OCRL: variants seen among roughly 807,000 people sequenced by gnomAD.
OCRL encodes the protein OCRL inositol polyphosphate-5-phosphatase.
OCRL carries 8 observed loss-of-function variants against 78.9 expected under a neutral mutation model. The observed-to-expected ratio is 0.10, with a 90% confidence interval of 0.06 to 0.18. The LOEUF is 0.18. OCRL is among the 10% of genes least tolerant of loss of function. OCRL has a pLI of 1.00. For synonymous variants in OCRL, 240 were observed against 235.4 expected (o/e 1.02, Z -0.18); for missense variants, 454 against 696.7 (o/e 0.65, Z 3.92).
intron 4 of OCRL, among the ~76,000 whole-genome samples, chrX:129,554,727 G>A (rs1034095397): frequency 9.0e-6 from 1 of 110,799 alleles, no homozygotes; most frequent in Non-Finnish European, 1.9e-5. Context: ...GCCGAGGCGG[G>A]CGGATCACGA....
chrX:129,578,159 A>C (rs764928950), intron 18 of OCRL, among the ~76,000 whole-genome samples: 15 of 111,883 alleles, frequency 1.3e-4, no homozygotes, highest in African/African-American at 3.9e-4. Context: ...GGGCACACTT[A>C]AGCACAATAC....
chrX:129,589,500 A>G (rs1214227587), intron 22 of OCRL: 3 of 306,180 alleles, frequency 9.8e-6, no homozygotes, highest in Non-Finnish European at 1.8e-5. Context: ...ACAAAAAAGA[A>G]CAGAAAACCA....
chrX:129,542,841 A>G (rs771144291), intron 2 of OCRL, among the ~76,000 whole-genome samples: 1 of 111,772 alleles, frequency 8.9e-6, no homozygotes, highest in East Asian at 2.8e-4. Flanking sequence ...GAGTGTCCAG[A>G]ACTTTTTACT....
chrX:129,555,479 A>C (rs1230133014), intron 4 of OCRL, among the ~76,000 whole-genome samples: 1 of 111,921 alleles, frequency 8.9e-6, no homozygotes, highest in Admixed American at 9.5e-5. Flanking sequence ...GTCTCAAAAA[A>C]TAAATAAAAA....
At chrX:129,561,748 A>G (rs1210663237) in intron 10 of OCRL, among the ~76,000 whole-genome samples, 2 of 111,540 alleles carry the variant, frequency 1.8e-5, no homozygotes, top group Non-Finnish European at 3.8e-5. Context: ...AAGATGGGCC[A>G]ATTTGTTTGT....
chrX:129,585,068 G>A (rs377107560), intron 19 of OCRL, among the ~76,000 whole-genome samples: 6 of 112,376 alleles, frequency 5.3e-5, no homozygotes, highest in South Asian at 7.4e-4. Context: ...CTTATCAGGC[G>A]CTGAATGTGT....
intron 1 of OCRL, 102 bp downstream of exon 1, chrX:129,540,580 A>G: frequency 1.2e-6 from 1 of 854,355 alleles, no homozygotes; most frequent in Non-Finnish European, 1.6e-6. Context: ...GGTGGCCCAG[A>G]GGCCGAGCAG....
intron 8 of OCRL, 50 bp downstream of exon 8, chrX:129,559,051 G>A: frequency 9.4e-7 from 1 of 1,061,879 alleles, no homozygotes; most frequent in Non-Finnish European, 1.3e-6. Flanking sequence ...ATATATAACA[G>A]ACAGTGGCCT....
chrX:129,582,069 C>A (rs1005612573), intron 18 of OCRL, among the ~76,000 whole-genome samples: 1 of 109,001 alleles, frequency 9.2e-6, no homozygotes, highest in Non-Finnish European at 1.9e-5. Flanking sequence ...ATTTATTTCA[C>A]ACTATTTTTC....
intron 16 of OCRL, 65 bp downstream of exon 16, chrX:129,575,315 C>T: frequency 2.6e-6 from 2 of 755,190 alleles, no homozygotes. Flanking sequence ...GAAACTGCTA[C>T]TTAGAAAAGG....
chrX:129,560,717 CT>C, intron 9 of OCRL, 66 bp downstream of exon 9: 1 of 796,329 alleles, frequency 1.3e-6, no homozygotes. Flanking sequence ...GATGTTTTGC[CT>C]TTTTTAAAAA....
intron 4 of OCRL, among the ~76,000 whole-genome samples, chrX:129,550,955 TAAG>T (rs1212480947): frequency 3.9e-3 from 426 of 110,136 alleles, no homozygotes; most frequent in African/African-American, 0.013. Flanking sequence ...TTTTTTTAAT[TAAG>T]AAACTGCATT....
chrX:129,555,000 T>TAAATAAATAAAA lies in OCRL; in HGVS notation c.239-2322_239-2321insTAAATAAAAAAA, dbSNP rs745690077. Among the ~76,000 whole-genome samples the TAAATAAATAAAA allele has an allele frequency of 2.6e-3, 247 of 95,539 alleles. 3 individuals are homozygous for TAAATAAATAAAA. The highest frequency in any genetic ancestry group is 9.2e-3 in the African/African-American group (218 of 23,756). 83.0% of individuals were successfully genotyped at this position (95,539 alleles called of 115,157 possible). On this transcript the variant is annotated intron_variant, in intron 4 of 23. Transcript: ENST00000371113. The stretch of plus-strand genomic sequence containing the variant: ...ATAAATAAATAAATAAATAAATAAA[T>TAAATAAATAAAA]AAAAATAAGAGGGTTGTAGGAGAAG...
At position 129,558,894 on chromosome X, in the gene OCRL, C is replaced by T; in HGVS notation, c.615C>T (p.Thr205=). ...SNKEQPKVTN[T]MRKLFVPNTQ... is the part of the protein sequence containing the mutation. ...AGGAGCAGCCCAAAGTGACCAACACCATGCGGAAGCTCTTTGTACCAAATA... is the reference window on the plus strand; with the variant it reads ...AGGAGCAGCCCAAAGTGACCAACACTATGCGGAAGCTCTTTGTACCAAATA... Residue 205 remains threonine (T), a synonymous_variant, in exon 8 of 24, where the codon ACC becomes ACT. Coordinates refer to ENST00000371113, the MANE Select transcript of OCRL (RefSeq NM_000276.4). 1 of 1,211,618 alleles carries T rather than the reference C, an allele frequency of 8.3e-7. No homozygotes were observed. The highest frequency in any genetic ancestry group is 1.1e-6 in the Non-Finnish European group (1 of 895,151).
rs145976486 is a variant in OCRL, at chrX:129,583,529, A to G, written c.2116-815A>G. Among the ~76,000 whole-genome samples the G allele has an allele frequency of 9.5e-3, 1,062 of 111,761 alleles. 15 individuals carry two copies. Among genetic ancestry groups the G allele is most frequent in the African/African-American group, 0.033 (1,024 of 30,776 alleles). On this transcript the variant is annotated intron_variant, in intron 18 of 23. Transcript: ENST00000371113. ...CATCTGTAAAATGGGAATAATATCT[A>G]CTTTGCACATGTGTACAGATTAAAT...
Position 129,576,156 on chromosome X carries a change from C to G in OCRL, c.1879+94C>G, listed in dbSNP as rs190383849. 2.5e-5 allele frequency: 25 copies of G among 997,142 alleles called. No individual in the cohort carries two copies. In the East Asian group the frequency reaches 7.0e-4, roughly 28 times the overall value. 82.2% of individuals were successfully genotyped at this position (997,142 alleles called of 1,213,427 possible). On this transcript the variant is annotated intron_variant, in intron 17 of 23. Coordinates refer to ENST00000371113, the MANE Select transcript of OCRL (RefSeq NM_000276.4). The stretch of plus-strand genomic sequence containing the variant: ...TGTTTTCTAACCACATGTCTCTTAC[C>G]TTTACTGTCATATTGGTGATACCTC...
In OCRL at chrX:129,591,389, G is replaced by T. The variant is rs184069868; in HGVS notation, c.*1119G>T. 532 of 112,185 alleles carry T rather than the reference G, an allele frequency of 4.7e-3. 4 individuals are homozygous for T. Among genetic ancestry groups the T allele is most frequent in the Non-Finnish European group, 7.3e-3 (387 of 53,212 alleles). The allele number at this position is 112,185 out of a possible 1,213,427, so 9.2% of individuals were successfully genotyped here. A position where few individuals can be genotyped will look rare whatever the true frequency, so the allele number is the denominator to read the frequency against. ...TTGGCTCCCAGTCACCATATCCAGTGTTGTGTAAAGAGACTGGCCAACAGG... is the reference window on the plus strand; with the variant it reads ...TTGGCTCCCAGTCACCATATCCAGTTTTGTGTAAAGAGACTGGCCAACAGG... On this transcript the variant is annotated 3_prime_UTR_variant, in exon 24 of 24. Transcript: ENST00000371113.
At position 129,558,075 on chromosome X, in the gene OCRL, A is replaced by G. The variant is rs1192548590; in HGVS notation, c.439+125A>G. ...ACACATTCTCCTGCAGAGTAGTTTT[A>G]TCAAGTCCAGGCCCACTGACCAGTG... On this transcript the variant is annotated intron_variant, in intron 6 of 23. Transcript: ENST00000371113. The G allele has an allele frequency of 5.5e-6, 3 of 542,261 alleles. No individual in the cohort carries two copies. In the Admixed American group the frequency reaches 7.5e-5, roughly 14 times the overall value. The allele number at this position is 542,261 out of a possible 1,213,427, so 44.7% of individuals were successfully genotyped here.
intron 4 of OCRL, among the ~76,000 whole-genome samples, chrX:129,550,171 A>G (rs1935940050): frequency 8.9e-6 from 1 of 112,395 alleles, no homozygotes; most frequent in Non-Finnish European, 1.9e-5. Context: ...CATCTTCATT[A>G]TATACAATTT....
Sources: gnomAD v4.1 joint callset for allele counts (sites outside exome capture counted in the v4.1 genomes callset) on GRCh38, gnomAD v4.1.1 for gene constraint, MANE v1.5 for transcripts, NCBI Gene and HGNC (gene_info 2026-07-23, HGNC 2026-07-21) for gene names.